KLF12: variants seen among roughly 807,000 people sequenced by gnomAD.
The protein encoded by KLF12 is Krueppel-like factor 12.
Under a neutral mutation model 37.8 loss-of-function variants are expected in KLF12, and 9 were observed. That is an observed-to-expected ratio of 0.24 (90% CI 0.14 to 0.42). The LOEUF (loss-of-function observed/expected upper bound fraction) is 0.42. KLF12 is among the 10% of genes least tolerant of loss of function. KLF12 has a pLI of 1.00. For missense variants in KLF12, 411 were observed against 516.0 expected, an observed-to-expected ratio of 0.80 and a Z score of 1.97; for synonymous variants, 208 against 202.1, an observed-to-expected ratio of 1.03 and a Z score of -0.25.
the KLF12 span, among the ~76,000 whole-genome samples, chr13:74,299,151 G>A: frequency 3.3e-5 from 5 of 152,162 alleles, no homozygotes; most frequent in African/African-American, 7.2e-5. Flanking sequence ...TGTTTTGGGC[G>A]GTTCAATAAA....
At chr13:74,281,814 T>C in the KLF12 span, among the ~76,000 whole-genome samples, 1 of 152,206 alleles carries the variant, frequency 6.6e-6, no homozygotes. Flanking sequence ...TCTCTCACAA[T>C]AGTTTGAAAT....
intron 5 of KLF12, among the ~76,000 whole-genome samples, chr13:73,774,416 TG>T (rs910931151): frequency 2.0e-5 from 3 of 151,878 alleles, no homozygotes; most frequent in Non-Finnish European, 4.4e-5. Flanking sequence ...ACAGGAGATG[TG>T]GGTTCTTTGG....
At chr13:73,911,226 A>G (rs1449076940) in intron 3 of KLF12, among the ~76,000 whole-genome samples, 1 of 152,172 alleles carries the variant, frequency 6.6e-6, no homozygotes, top group Non-Finnish European at 1.5e-5. Context: ...ATTATTTGTC[A>G]AAAATATTAA....
rs3764111 is a variant in KLF12 at position 73,862,371 on chromosome 13, G to A, written c.124-15998C>T. On this transcript the variant is annotated intron_variant, in intron 3 of 7. Coordinates refer to ENST00000377669, the MANE Select transcript of KLF12 (RefSeq NM_007249.5). ...CACATTTTACAGATAGGAAACAGAC[G>A]TGGAGAGGTTAAGAAATGTGCCAGT... Among the ~76,000 whole-genome samples the A allele has an allele frequency of 5.1e-4, 77 of 152,266 alleles. 1 individual carries two copies. The East Asian group carries it at 0.014, about 28-fold the overall frequency.
At chr13:73,807,985 AG>A (rs997124335) in intron 5 of KLF12, among the ~76,000 whole-genome samples, 5 of 152,184 alleles carry the variant, frequency 3.3e-5, no homozygotes, top group African/African-American at 1.2e-4. Flanking sequence ...AAAGAAGGAA[AG>A]GGGGTGCAAA....
chr13:73,829,959 T>G (rs570847974), intron 4 of KLF12, among the ~76,000 whole-genome samples: 2 of 152,338 alleles, frequency 1.3e-5, no homozygotes, highest in South Asian at 4.1e-4. Flanking sequence ...CAAAATTATA[T>G]AGTTAAAACT....
chr13:73,991,892 A>G (rs961871853), intron 2 of KLF12, among the ~76,000 whole-genome samples: 2 of 152,208 alleles, frequency 1.3e-5, no homozygotes, highest in Admixed American at 6.5e-5. Flanking sequence ...AATTTAAAGC[A>G]ACCACAAGCT....
At chr13:74,230,738 A>C in the KLF12 span, among the ~76,000 whole-genome samples, 17 of 152,090 alleles carry the variant, frequency 1.1e-4, no homozygotes, top group African/African-American at 4.1e-4. Context: ...ATGCACGACT[A>C]TCAAGTGTTT....
At chr13:73,837,940 CAA>C (rs1884525650) in intron 4 of KLF12, among the ~76,000 whole-genome samples, 1 of 152,046 alleles carries the variant, frequency 6.6e-6, no homozygotes, top group Non-Finnish European at 1.5e-5. Flanking sequence ...AAATGGTGAA[CAA>C]AAGAGGACAG....
chr13:74,252,997 ATCTATCTATCTATCTATCTATCTATCTG>A, the KLF12 span, among the ~76,000 whole-genome samples: 1 of 125,554 alleles, frequency 8.0e-6, no homozygotes, highest in African/African-American at 4.9e-5. Context: ...CTATCTATCT[ATCTATCTATCTATCTATCTATCTATCTG>A]TCTGTCTATC....
the KLF12 span, among the ~76,000 whole-genome samples, chr13:74,224,530 T>C: frequency 6.6e-6 from 1 of 152,222 alleles, no homozygotes; most frequent in Non-Finnish European, 1.5e-5. Flanking sequence ...GAGGAAATGT[T>C]CTTTCTTCCA....
the KLF12 span, among the ~76,000 whole-genome samples, chr13:74,233,937 CAA>C: frequency 1.2e-4 from 18 of 152,196 alleles, no homozygotes; most frequent in Non-Finnish European, 1.9e-4. Context: ...GCAACAACAA[CAA>C]AATGACATAC....
chr13:73,799,290 A>G (rs566637959), intron 5 of KLF12, among the ~76,000 whole-genome samples: 27 of 152,282 alleles, frequency 1.8e-4, no homozygotes, highest in Admixed American at 3.3e-4. Context: ...GAAGAGCAAA[A>G]AAGATAACTA....
chr13:74,232,341 G>A, the KLF12 span, among the ~76,000 whole-genome samples: 10 of 152,198 alleles, frequency 6.6e-5, no homozygotes, highest in African/African-American at 1.2e-4. Context: ...CTGTGGTCAT[G>A]TAAACTTTCA....
At chr13:74,274,255 C>G in the KLF12 span, among the ~76,000 whole-genome samples, 1 of 152,164 alleles carries the variant, frequency 6.6e-6, no homozygotes, top group Non-Finnish European at 1.5e-5. Context: ...ACAACTGCCA[C>G]TTCCAGATGG....
intron 2 of KLF12, among the ~76,000 whole-genome samples, chr13:73,984,953 T>G (rs1201676386): frequency 6.6e-6 from 1 of 152,174 alleles, no homozygotes; most frequent in Non-Finnish European, 1.5e-5. Context: ...GTCTTTATAA[T>G]CACCTGGATG....
chr13:73,936,411 C>G (rs1889926397), intron 3 of KLF12, among the ~76,000 whole-genome samples: 1 of 152,136 alleles, frequency 6.6e-6, no homozygotes, highest in African/African-American at 2.4e-5. Flanking sequence ...TCTCTCCACC[C>G]TGATTTCTGT....
At chr13:74,166,675 G>A in the KLF12 span, among the ~76,000 whole-genome samples, 1 of 151,882 alleles carries the variant, frequency 6.6e-6, no homozygotes, top group African/African-American at 2.4e-5. Context: ...TCCTATTTCT[G>A]CATGGATTTC....
intron 1 of KLF12, among the ~76,000 whole-genome samples, chr13:74,039,763 T>G (rs900940825): frequency 1.4e-4 from 21 of 152,228 alleles, no homozygotes; most frequent in African/African-American, 5.1e-4. Context: ...TTCACACATC[T>G]TTAGCCTCAG....
Sources: gnomAD v4.1 joint callset for allele counts (sites outside exome capture counted in the v4.1 genomes callset) on GRCh38, gnomAD v4.1.1 for gene constraint, MANE v1.5 for transcripts, NCBI Gene and HGNC (gene_info 2026-07-23, HGNC 2026-07-21) for gene names.